TMEM132D: variants seen among roughly 807,000 people sequenced by gnomAD.
TMEM132D encodes the protein transmembrane protein 132D.
A neutral mutation model predicts 62.3 loss-of-function variants in TMEM132D; 21 were observed. The ratio of observed to expected loss-of-function variants is 0.34; its 90% CI spans 0.24 to 0.49. TMEM132D has a LOEUF of 0.49. TMEM132D is among the 20% of genes least tolerant of loss of function. The probability of loss-of-function intolerance (pLI) is 0.99; values close to 1 mark genes in which losing one functional copy is unlikely to be tolerated. For synonymous variants in TMEM132D, 621 were observed against 575.6 expected (o/e 1.08, Z -1.13); for missense variants, 1,346 against 1,402.8 (o/e 0.96, Z 0.65).
Position 129,503,868 on chromosome 12 carries a change from T to A in TMEM132D, c.1115+27191A>T, listed in dbSNP as rs200711807. On this transcript the variant is annotated intron_variant, in intron 3 of 8. Coordinates refer to ENST00000422113, the MANE Select transcript of TMEM132D (RefSeq NM_133448.3). ...AACACAACCTTCCAGATTTTCCTCC[T>A]CCTCCTCATCTTCTTCTTATCACCA... 6.6e-5 allele frequency among the ~76,000 whole-genome samples: 10 copies of A among 152,254 alleles called. No homozygotes were observed. In the East Asian group the frequency reaches 1.7e-3, roughly 26 times the overall value.
chr12:129,177,209 T>C (rs1484670030), intron 5 of TMEM132D, among the ~76,000 whole-genome samples: 1 of 152,234 alleles, frequency 6.6e-6, no homozygotes, highest in Non-Finnish European at 1.5e-5. Context: ...TTGAAGTCAG[T>C]GCGTTCATCT....
chr12:129,844,852 G>A (rs556198502), intron 1 of TMEM132D, among the ~76,000 whole-genome samples: 7 of 152,250 alleles, frequency 4.6e-5, no homozygotes, highest in African/African-American at 1.4e-4. Context: ...GCTTGGAGTG[G>A]TGGAGGTCAC....
At chr12:129,887,576 C>T (rs1406285515) in intron 1 of TMEM132D, among the ~76,000 whole-genome samples, 1 of 152,092 alleles carries the variant, frequency 6.6e-6, no homozygotes, top group African/African-American at 2.4e-5. Flanking sequence ...TTTTGATTCA[C>T]GTGGCACCAC....
chr12:129,554,790 T>G (rs550214423), intron 2 of TMEM132D, among the ~76,000 whole-genome samples: 4 of 152,252 alleles, frequency 2.6e-5, no homozygotes, highest in African/African-American at 9.6e-5. Context: ...GAGCACCAGG[T>G]GGGTCAGACT....
At chr12:129,282,125 C>T (rs1427044519) in intron 4 of TMEM132D, among the ~76,000 whole-genome samples, 3 of 152,180 alleles carry the variant, frequency 2.0e-5, no homozygotes, top group Admixed American at 1.3e-4. Flanking sequence ...AAGATGAAGT[C>T]AGAGCTACAA....
chr12:129,387,896 C>T (rs375132594), intron 3 of TMEM132D, among the ~76,000 whole-genome samples: 3 of 74,422 alleles, frequency 4.0e-5, no homozygotes, highest in East Asian at 6.7e-4. Flanking sequence ...AACACTAACA[C>T]GAGTCCTAAT....
At chr12:129,208,755 C>T (rs1160641087) in intron 5 of TMEM132D, 1 of 152,128 alleles carries the variant, frequency 6.6e-6, no homozygotes, top group Non-Finnish European at 1.5e-5. Flanking sequence ...TCACTGCAGC[C>T]CTGTCTCTGG....
intron 1 of TMEM132D, among the ~76,000 whole-genome samples, chr12:129,710,909 C>T (rs1220102218): frequency 6.6e-6 from 1 of 151,250 alleles, no homozygotes; most frequent in East Asian, 1.9e-4. Flanking sequence ...CCTCAGTGCG[C>T]ACGCTGCCTC....
In TMEM132D at chr12:129,513,843, T is replaced by A. The variant is rs1276642529; in HGVS notation, c.1115+17216A>T. 7.8e-4 allele frequency among the ~76,000 whole-genome samples: 106 copies of A among 135,228 alleles called. No homozygotes were observed. In the East Asian group the frequency reaches 0.013, roughly 17 times the overall value. 88.7% of individuals were successfully genotyped at this position (135,228 alleles called of 152,430 possible). Reference sequence around the variant, plus strand: ...TTATTTATTTATTTATTTATTTATTTATTTATTTTTTTGAGACGGAGTCTC... The same window carrying A: ...TTATTTATTTATTTATTTATTTATTAATTTATTTTTTTGAGACGGAGTCTC... On this transcript the variant is annotated intron_variant, in intron 3 of 8. Transcript: ENST00000422113.
rs188906337 is a variant in TMEM132D, at chr12:129,720,047, G to A, written c.80-19349C>T. Among the ~76,000 whole-genome samples the A allele has an allele frequency of 1.5e-3, 227 of 152,142 alleles. 3 individuals carry two copies. The highest frequency in any genetic ancestry group is 3.2e-4 in the Non-Finnish European group (22 of 68,008). On this transcript the variant is annotated intron_variant, in intron 1 of 8. Coordinates refer to ENST00000422113, the MANE Select transcript of TMEM132D (RefSeq NM_133448.3). ...AAACGTTCTGATAGAACCAAGTCTC[G>A]GAGTTGCCCTAAGCGTGGAAGGGAT...
At chr12:129,199,230 G>A (rs950043220) in intron 5 of TMEM132D, among the ~76,000 whole-genome samples, 3 of 149,506 alleles carry the variant, frequency 2.0e-5, no homozygotes, top group Non-Finnish European at 3.0e-5. Context: ...CTCCATCAGT[G>A]TCCTTAATAG....
At chr12:129,801,603 AAAC>A in intron 1 of TMEM132D, among the ~76,000 whole-genome samples, 1 of 150,968 alleles carries the variant, frequency 6.6e-6, no homozygotes, top group East Asian at 1.9e-4. Flanking sequence ...CAGAACAGAA[AAAC>A]TGGAAACTCT....
chr12:129,868,693 G>T (rs1186233797), intron 1 of TMEM132D, among the ~76,000 whole-genome samples: 1 of 152,202 alleles, frequency 6.6e-6, no homozygotes, highest in Non-Finnish European at 1.5e-5. Context: ...TTTCAAAAGT[G>T]TGGGACTGCA....
intron 1 of TMEM132D, among the ~76,000 whole-genome samples, chr12:129,708,388 C>T (rs1433307552): frequency 6.6e-6 from 1 of 152,004 alleles, no homozygotes; most frequent in Non-Finnish European, 1.5e-5. Flanking sequence ...AATACAAAGC[C>T]TGGAAATTAA....
Position 129,356,283 on chromosome 12 carries a change from A to G in TMEM132D, c.1116-18466T>C, listed in dbSNP as rs1181641119. On this transcript the variant is annotated intron_variant, in intron 3 of 8. Coordinates refer to ENST00000422113, the MANE Select transcript of TMEM132D (RefSeq NM_133448.3). ...GCCATTCTCCTGCCTCAGCCTCCCA[A>G]GTAGCTGGGACTACAGGCGCCCGCC... is the stretch of plus-strand genomic sequence containing the variant. 3.2e-5 allele frequency among the ~76,000 whole-genome samples: 2 copies of G among 62,916 alleles called. 1 individual carries two copies. The highest frequency in any genetic ancestry group is 6.3e-4 in the East Asian group (2 of 3,170). 41.3% of individuals were successfully genotyped at this position (62,916 alleles called of 152,430 possible).
At chr12:129,260,787 T>C (rs1206815643) in intron 4 of TMEM132D, among the ~76,000 whole-genome samples, 1 of 151,366 alleles carries the variant, frequency 6.6e-6, no homozygotes, top group Non-Finnish European at 1.5e-5. Flanking sequence ...ATTTCTGAGC[T>C]ACTTCACTTA....
intron 1 of TMEM132D, among the ~76,000 whole-genome samples, chr12:129,866,603 T>TAA (rs202220288): frequency 4.9e-5 from 7 of 144,028 alleles, no homozygotes; most frequent in African/African-American, 1.8e-4. Context: ...AAAAATATAT[T>TAA]AAAAAAAAAA....
At chr12:129,325,222 A>G (rs1311686292) in intron 4 of TMEM132D, among the ~76,000 whole-genome samples, 3 of 152,206 alleles carry the variant, frequency 2.0e-5, no homozygotes, top group African/African-American at 7.2e-5. Context: ...CATGAACACA[A>G]CTACCCCTAT....
chr12:129,572,766 A>G (rs557513864), intron 2 of TMEM132D, among the ~76,000 whole-genome samples: 86 of 152,046 alleles, frequency 5.7e-4, no homozygotes, highest in African/African-American at 1.9e-3. Context: ...TCTGTTTGTA[A>G]ACTGGGGGTG....
Sources: allele counts gnomAD v4.1 joint callset (sites outside exome capture counted in the v4.1 genomes callset), GRCh38; gene constraint gnomAD v4.1.1; transcripts MANE v1.5; gene names NCBI Gene and HGNC (gene_info 2026-07-23, HGNC 2026-07-21).